The following TRHDE variants were observed in gnomAD, a reference collection of about 807,000 sequenced individuals.
TRHDE encodes thyrotropin releasing hormone degrading enzyme.
In TRHDE, 72 loss-of-function variants were observed where a neutral mutation model predicts 125.7. That is an observed-to-expected ratio of 0.57 (90% CI 0.47 to 0.70). The LOEUF (loss-of-function observed/expected upper bound fraction) is 0.70, where lower values mean the gene tolerates loss of function less well. Among genes scored for constraint, TRHDE ranks in the 30% least tolerant of loss-of-function variants. The pLI is 0.00. For synonymous variants in TRHDE, 509 were observed against 509.1 expected (o/e 1.00, Z 0.00); for missense variants, 1,110 against 1,327.1 (o/e 0.84, Z 2.54).
At chr12:72,607,022 G>T (rs1009946768) in intron 12 of TRHDE, among the ~76,000 whole-genome samples, 13 of 152,010 alleles carry the variant, frequency 8.6e-5, no homozygotes, top group African/African-American at 3.1e-4. Flanking sequence ...TTCACAGTTT[G>T]CTTAAATTAG....
intron 2 of TRHDE, among the ~76,000 whole-genome samples, chr12:72,107,381 C>G (rs1388201984): frequency 6.6e-6 from 1 of 152,044 alleles, no homozygotes; most frequent in Non-Finnish European, 1.5e-5. Flanking sequence ...GGTTTATTTT[C>G]TACCCAACGT....
chr12:72,417,220 C>T (rs1456238153), intron 3 of TRHDE, among the ~76,000 whole-genome samples: 3 of 151,870 alleles, frequency 2.0e-5, no homozygotes, highest in Non-Finnish European at 4.4e-5. Flanking sequence ...GATTTTGGGT[C>T]CTGGACTATT....
At chr12:72,247,148 T>A (rs144010812) in intron 2 of TRHDE, among the ~76,000 whole-genome samples, 1 of 152,302 alleles carries the variant, frequency 6.6e-6, no homozygotes, top group East Asian at 1.9e-4. Context: ...TATCCTGTCA[T>A]GTATATTAAA....
At chr12:72,498,695 A>G (rs974767204) in intron 5 of TRHDE, among the ~76,000 whole-genome samples, 5 of 152,212 alleles carry the variant, frequency 3.3e-5, no homozygotes, top group African/African-American at 9.6e-5. Context: ...AAACAAAAAC[A>G]GAGAAGTACT....
At chr12:72,647,685 C>T (rs374436549) in intron 15 of TRHDE, among the ~76,000 whole-genome samples, 29 of 152,114 alleles carry the variant, frequency 1.9e-4, no homozygotes, top group African/African-American at 6.5e-4. Flanking sequence ...AAAATGGACA[C>T]GCTTCTACAA....
chr12:72,169,282 C>T, intron 2 of TRHDE, among the ~76,000 whole-genome samples: 1 of 152,068 alleles, frequency 6.6e-6, no homozygotes, highest in South Asian at 2.1e-4. Context: ...TCTGATAAAT[C>T]ATTCTCTTAG....
chr12:72,457,348 C>A (rs1875906192), intron 3 of TRHDE, among the ~76,000 whole-genome samples: 1 of 151,954 alleles, frequency 6.6e-6, no homozygotes, highest in Non-Finnish European at 1.5e-5. Context: ...TTTAAATTAT[C>A]TGTTCTTCTT....
chr12:72,183,701 T>C (rs1025254646), intron 2 of TRHDE, among the ~76,000 whole-genome samples: 1 of 152,294 alleles, frequency 6.6e-6, no homozygotes, highest in African/African-American at 2.4e-5. Flanking sequence ...GAGTCTAGTC[T>C]AAGTTTTAGT....
At chr12:72,614,330 A>ATATATTT (rs531067163) in intron 12 of TRHDE, among the ~76,000 whole-genome samples, 29 of 129,842 alleles carry the variant, frequency 2.2e-4, no homozygotes, top group African/African-American at 8.8e-4. Context: ...ATATATATAT[A>ATATATTT]TTTTTTTTTT....
At chr12:72,520,449 C>T (rs1879135601) in intron 6 of TRHDE, among the ~76,000 whole-genome samples, 1 of 152,154 alleles carries the variant, frequency 6.6e-6, no homozygotes, top group African/African-American at 2.4e-5. Context: ...AAAGGGAACT[C>T]CCTGACCCTT....
In TRHDE at chr12:72,190,432, TG is replaced by T. The variant is rs374593217; in HGVS notation, n.279+84682del. 1.9e-4 allele frequency among the ~76,000 whole-genome samples: 29 copies of T among 152,246 alleles called. No homozygotes were observed. The East Asian group carries it at 4.1e-3, about 21-fold the overall frequency. On this transcript the variant is annotated intron_variant and non_coding_transcript_variant, in intron 2 of 4. Transcript: ENST00000548156. ...GGGGAAAGAAGATTCTTTTAGCAGG[TG>T]GAAATTTGAATGGTATAAGTGATTT...
intron 2 of TRHDE, among the ~76,000 whole-genome samples, chr12:72,144,154 T>TGAGGA (rs778956209): frequency 6.6e-5 from 10 of 152,096 alleles, no homozygotes; most frequent in Admixed American, 2.0e-4. Context: ...AGAGAAACAG[T>TGAGGA]GAGGAGAGGA....
intron 2 of TRHDE, among the ~76,000 whole-genome samples, chr12:72,346,682 G>A (rs12820473): frequency 0.12 from 18,782 of 152,012 alleles, 1,743 homozygotes; most frequent in East Asian, 0.46. Context: ...AGAGGCTCTC[G>A]TTTGCTGAAT....
intron 17 of TRHDE, among the ~76,000 whole-genome samples, chr12:72,656,175 C>T (rs1478481884): frequency 6.6e-6 from 1 of 152,064 alleles, no homozygotes; most frequent in South Asian, 2.1e-4. Flanking sequence ...CTTTTCAACT[C>T]ACTGACACAA....
rs557960172 is a variant in TRHDE at position 72,625,916 on chromosome 12, C to T, written c.2675+4165C>T. 8.6e-5 allele frequency among the ~76,000 whole-genome samples: 13 copies of T among 151,956 alleles called. 1 individual carries two copies. The highest frequency in any genetic ancestry group is 4.1e-4 in the South Asian group (2 of 4,824). ...TCCTACAGACCTCAAGTACTCACTT[C>T]GGTGAGTAAGCAACAGCTTTATGTA... On this transcript the variant is annotated intron_variant, in intron 15 of 18. Coordinates refer to ENST00000261180, the MANE Select transcript of TRHDE (RefSeq NM_013381.3).
intron 2 of TRHDE, among the ~76,000 whole-genome samples, chr12:72,141,715 A>G (rs1232010454): frequency 2.6e-5 from 4 of 152,224 alleles, no homozygotes; most frequent in African/African-American, 9.6e-5. Context: ...TCAATACAAC[A>G]TGACATGCTA....
intron 2 of TRHDE, among the ~76,000 whole-genome samples, chr12:72,180,656 C>G (rs12318739): frequency 0.043 from 6,533 of 152,214 alleles, 209 homozygotes; most frequent in South Asian, 0.12. Flanking sequence ...TTCTAGCTGT[C>G]CATGCAGTTG....
intron 2 of TRHDE, among the ~76,000 whole-genome samples, chr12:72,187,170 T>G (rs980209113): frequency 2.0e-5 from 3 of 152,190 alleles, no homozygotes; most frequent in African/African-American, 7.2e-5. Flanking sequence ...ATGAAGTGTT[T>G]TCCTTCTTAT....
rs1877309109 is a variant in TRHDE, at chr12:72,484,341, T to G, written c.1584+11161T>G. ...CTTACCACCAAAGTAGGTATAAAATTCTTGAAAAGGTGAAGGAAGTATTAT... is the reference window on the plus strand; with the variant it reads ...CTTACCACCAAAGTAGGTATAAAATGCTTGAAAAGGTGAAGGAAGTATTAT... On this transcript the variant is annotated intron_variant, in intron 5 of 18. Transcript: ENST00000261180. Among the ~76,000 whole-genome samples, 9 of 152,266 alleles carry G rather than the reference T, an allele frequency of 5.9e-5. No individual in the cohort carries two copies. In the South Asian group the frequency reaches 1.9e-3, roughly 32 times the overall value.
Sources: allele counts gnomAD v4.1 joint callset (sites outside exome capture counted in the v4.1 genomes callset), GRCh38; gene constraint gnomAD v4.1.1; transcripts MANE v1.5; gene names NCBI Gene and HGNC (gene_info 2026-07-23, HGNC 2026-07-21).